Variants in TMCO6 observed in about 807,000 individuals in gnomAD.
The protein encoded by TMCO6 is transmembrane and coiled-coil domains 6, also known as transmembrane and coiled-coil domain-containing protein 6.
Under a neutral mutation model 61.8 loss-of-function variants are expected in TMCO6, and 47 were observed. The observed-to-expected ratio is 0.76, with a 90% CI of 0.60 to 0.97. TMCO6 has a LOEUF of 0.97. Ranked by LOEUF, TMCO6 falls within the 50% of genes least tolerant of loss-of-function variation. The probability of loss-of-function intolerance (pLI) is 0.00; values close to 1 mark genes in which losing one functional copy is unlikely to be tolerated. For synonymous variants in TMCO6, 261 were observed against 254.2 expected, an observed-to-expected ratio of 1.03 and a Z score of -0.25; for missense variants, 557 against 601.6, an observed-to-expected ratio of 0.93 and a Z score of 0.78.
chr5:140,601,482 C>T, the TMCO6 span, among the ~76,000 whole-genome samples: 1 of 152,174 alleles, frequency 6.6e-6, no homozygotes, highest in Non-Finnish European at 1.5e-5. Context: ...ACAGCAGGGG[C>T]TCCCTTTGGT....
chr5:140,639,710 C>T (rs1308639886), intron 1 of TMCO6, 29 bp from the exon 2 acceptor site: 2 of 1,565,706 alleles, frequency 1.3e-6, no homozygotes, highest in Non-Finnish European at 8.7e-7. Flanking sequence ...GTCGTCCTTC[C>T]CACGCTCAGC....
chr5:140,606,089 TC>T, the TMCO6 span, among the ~76,000 whole-genome samples: 14 of 112,102 alleles, frequency 1.2e-4, no homozygotes, highest in South Asian at 3.4e-4. Flanking sequence ...CCCTCCCCCT[TC>T]CCCCCCTTCT....
chr5:140,628,118 C>T, the TMCO6 span, among the ~76,000 whole-genome samples: 12 of 151,292 alleles, frequency 7.9e-5, no homozygotes, highest in African/African-American at 2.9e-4. Flanking sequence ...AAGTGATTCT[C>T]CTGCCTCAGC....
the TMCO6 span, among the ~76,000 whole-genome samples, chr5:140,598,068 A>G: frequency 1.3e-5 from 2 of 152,156 alleles, no homozygotes; most frequent in South Asian, 2.1e-4. Flanking sequence ...AAATGGAGGA[A>G]TCTCTCCAAT....
the TMCO6 span, chr5:140,633,371 T>A: frequency 1.9e-6 from 1 of 538,848 alleles, no homozygotes; most frequent in Non-Finnish European, 3.4e-6. Flanking sequence ...TAGGGTTCTG[T>A]GTCTCCTGGC....
downstream of TMCO6, chr5:140,647,627 G>A (rs757145018): frequency 1.9e-6 from 3 of 1,596,928 alleles, no homozygotes; most frequent in Non-Finnish European, 2.6e-6. Context: ...TTCAGGCCAA[G>A]TGCTCCGGTC....
At chr5:140,632,730 G>T in the TMCO6 span, 2 of 1,613,568 alleles carry the variant, frequency 1.2e-6, no homozygotes, top group East Asian at 2.2e-5. The surrounding 1 kb of genome is among the most constrained non-coding windows in gnomAD (Gnocchi z 6.2). Flanking sequence ...AGCCTTGACC[G>T]TGTCAGCATA....
chr5:140,629,505 T>C, the TMCO6 span, among the ~76,000 whole-genome samples: 1 of 152,212 alleles, frequency 6.6e-6, no homozygotes, highest in Non-Finnish European at 1.5e-5. Flanking sequence ...GGCTATTATC[T>C]AAAGTGTATA....
chr5:140,620,721 G>C, the TMCO6 span, among the ~76,000 whole-genome samples: 1 of 152,166 alleles, frequency 6.6e-6, no homozygotes, highest in African/African-American at 2.4e-5. Flanking sequence ...GTGTATGTGT[G>C]CTAGGGAGGT....
At chr5:140,601,233 C>T in the TMCO6 span, among the ~76,000 whole-genome samples, 1 of 152,136 alleles carries the variant, frequency 6.6e-6, no homozygotes. Flanking sequence ...TAGAAATGTC[C>T]CTTTTCCACC....
At chr5:140,637,486 A>T (rs181693570), upstream of TMCO6, among the ~76,000 whole-genome samples, 216 of 152,258 alleles carry the variant, frequency 1.4e-3, no homozygotes, top group Non-Finnish European at 2.1e-3. Context: ...TCTGTAAAGC[A>T]AAAATAAAAT....
chr5:140,639,747 A>G lies in TMCO6; in HGVS notation c.94A>G (p.Lys32Glu), dbSNP rs1756897594. 2 of 1,596,632 alleles carry G rather than the reference A, an allele frequency of 1.3e-6. No individual in the cohort carries two copies. Among genetic ancestry groups the G allele is most frequent in the East Asian group, 2.3e-5 (1 of 44,260 alleles). ...GGCTCCTCTGCCCCCAGCACTGCGGAAGGCGCGGAGGGAGCAGCAGCTGGT... is the reference window on the plus strand; with the variant it reads ...GGCTCCTCTGCCCCCAGCACTGCGGGAGGCGCGGAGGGAGCAGCAGCTGGT... ...RRREREAALR[K>E]ARREQQLVSK... is the part of the protein sequence containing the mutation. The change falls in exon 2 of 12, where the codon AAG (lysine) becomes GAG (glutamate). Residue 32 changes from lysine (K) to glutamate (E), a missense_variant. Lys to Glu is a moderately conservative substitution (Grantham distance 56). Transcript: ENST00000394671.
chr5:140,633,215 G>A, the TMCO6 span: 1 of 1,030,758 alleles, frequency 9.7e-7, no homozygotes, highest in Admixed American at 2.0e-5. Context: ...GTAATCCTGG[G>A]ATGTCATTCA....
downstream of TMCO6, chr5:140,647,465 C>T (rs765942108): frequency 1.2e-6 from 2 of 1,611,336 alleles, no homozygotes; most frequent in Admixed American, 1.7e-5. Flanking sequence ...CCGCCCGCCT[C>T]ACCACGCCGC....
At chr5:140,611,052 G>A in the TMCO6 span, among the ~76,000 whole-genome samples, 1 of 152,270 alleles carries the variant, frequency 6.6e-6, no homozygotes, top group South Asian at 2.1e-4. Context: ...AATTAAAGAG[G>A]AAAGAAACAT....
chr5:140,616,156 A>T, the TMCO6 span, among the ~76,000 whole-genome samples: 1 of 150,210 alleles, frequency 6.7e-6, no homozygotes, highest in African/African-American at 2.5e-5. Context: ...AAGAAGAAAG[A>T]AAGCATAGTG....
At chr5:140,647,270 A>G (rs768543850), downstream of TMCO6, 2 of 1,555,524 alleles carry the variant, frequency 1.3e-6, no homozygotes, top group Non-Finnish European at 1.7e-6. Flanking sequence ...GCGGGCCCAG[A>G]GCTTGGGCTG....
downstream of TMCO6, among the ~76,000 whole-genome samples, chr5:140,645,992 G>A (rs1390743433): frequency 6.6e-6 from 1 of 150,658 alleles, no homozygotes; most frequent in Admixed American, 6.7e-5. Flanking sequence ...AGCCTCAGCT[G>A]GGAGCCCATT....
upstream of TMCO6, among the ~76,000 whole-genome samples, chr5:140,635,766 G>T: frequency 6.6e-6 from 1 of 152,164 alleles, no homozygotes; most frequent in Admixed American, 6.5e-5. Context: ...TGTGTTGTTG[G>T]GGGAGAGGGG....
Sources: gnomAD v4.1 joint callset for allele counts (sites outside exome capture counted in the v4.1 genomes callset) on GRCh38, gnomAD v4.1.1 for gene constraint, Gnocchi (gnomAD v3.1) non-coding constraint, MANE v1.5 for transcripts, NCBI Gene and HGNC (gene_info 2026-07-23, HGNC 2026-07-21) for gene names.